The following FOXP1 variants were observed in gnomAD, a reference collection of about 807,000 sequenced individuals.
FOXP1 encodes the protein forkhead box P1.
FOXP1 carries 15 observed loss-of-function variants against 98.2 expected under a neutral mutation model. The observed-to-expected ratio is 0.15, with a 90% CI of 0.10 to 0.24. The LOEUF is 0.24. Among genes scored for constraint, FOXP1 ranks in the 10% least tolerant of loss-of-function variants. The pLI is 1.00. For synonymous variants in FOXP1, 371 were observed against 314.5 expected (o/e 1.18, Z -1.90); for missense variants, 633 against 848.5 (o/e 0.75, Z 3.15).
intron 3 of FOXP1, among the ~76,000 whole-genome samples, chr3:71,424,617 T>C (rs1349337410): frequency 6.6e-6 from 1 of 152,150 alleles, no homozygotes; most frequent in Non-Finnish European, 1.5e-5. Context: ...AACCCAAAAC[T>C]GTCAGAAGGT....
At chr3:71,144,583 T>A (rs2060216856) in intron 6 of FOXP1, among the ~76,000 whole-genome samples, 1 of 151,916 alleles carries the variant, frequency 6.6e-6, no homozygotes, top group South Asian at 2.1e-4. Context: ...TGCTAGAAAA[T>A]AAAAATGACC....
chr3:71,400,009 C>A (rs542259700), intron 3 of FOXP1, among the ~76,000 whole-genome samples: 8 of 152,304 alleles, frequency 5.3e-5, no homozygotes, highest in Admixed American at 3.3e-4. Context: ...AATGCCAAAT[C>A]TAATTAATGC....
chr3:71,580,027 AG>A (rs2048035013), intron 2 of FOXP1, among the ~76,000 whole-genome samples: 1 of 152,078 alleles, frequency 6.6e-6, no homozygotes, highest in Non-Finnish European at 1.5e-5. Flanking sequence ...GTGAACATAT[AG>A]CCTTGCTGCT....
chr3:71,461,423 A>G (rs944179873), intron 3 of FOXP1, among the ~76,000 whole-genome samples: 3 of 152,168 alleles, frequency 2.0e-5, no homozygotes, highest in African/African-American at 7.2e-5. Flanking sequence ...CAGGGTTATG[A>G]CATCAGTTTT....
At chr3:71,161,881 A>C (rs759533557) in intron 6 of FOXP1, among the ~76,000 whole-genome samples, 2 of 152,230 alleles carry the variant, frequency 1.3e-5, no homozygotes, top group African/African-American at 4.8e-5. Context: ...ATAGATAAAA[A>C]TCAACAGTGA....
chr3:71,080,387 TAAAGATAGCCAGTTA>T (rs2054283848), intron 7 of FOXP1, among the ~76,000 whole-genome samples: 1 of 152,176 alleles, frequency 6.6e-6, no homozygotes, highest in South Asian at 2.1e-4. Flanking sequence ...TTCCCATACA[TAAAGATAGCCAGTTA>T]AAAAATAAAA....
intron 2 of FOXP1, among the ~76,000 whole-genome samples, chr3:71,521,099 C>A (rs894022569): frequency 6.6e-6 from 1 of 152,066 alleles, no homozygotes; most frequent in Non-Finnish European, 1.5e-5. Context: ...GCAGGAAAGT[C>A]AAGGCTAGGT....
intron 7 of FOXP1, among the ~76,000 whole-genome samples, chr3:71,066,091 CAAAAAA>C (rs34279433): frequency 2.9e-5 from 3 of 104,996 alleles, no homozygotes; most frequent in Non-Finnish European, 4.0e-5. Flanking sequence ...TATTTGCCTT[CAAAAAA>C]AAAAAAAAAA....
At chr3:71,425,424 C>A (rs529207169) in intron 3 of FOXP1, among the ~76,000 whole-genome samples, 204 of 152,306 alleles carry the variant, frequency 1.3e-3, no homozygotes, top group Middle Eastern at 6.8e-3. Context: ...CCACACCCAG[C>A]CATTTTACTG....
chr3:71,093,904 T>TG (rs2056172734), intron 7 of FOXP1, among the ~76,000 whole-genome samples: 1 of 152,204 alleles, frequency 6.6e-6, no homozygotes, highest in African/African-American at 2.4e-5. Flanking sequence ...CTCATGAGAA[T>TG]GCTGTATTCT....
At chr3:71,047,561 G>GA (rs765998592) in intron 9 of FOXP1, among the ~76,000 whole-genome samples, 63 of 152,106 alleles carry the variant, frequency 4.1e-4, no homozygotes, top group Middle Eastern at 3.2e-3. Context: ...AAATAAATGA[G>GA]AAAAAATCAG....
chr3:71,408,075 T>C (rs1380060062), intron 3 of FOXP1, among the ~76,000 whole-genome samples: 1 of 152,102 alleles, frequency 6.6e-6, no homozygotes, highest in East Asian at 1.9e-4. Context: ...ACAACTACAT[T>C]AAAGTTATTC....
intron 4 of FOXP1, chr3:71,332,407 G>T: frequency 5.9e-6 from 1 of 170,596 alleles, no homozygotes; most frequent in South Asian, 1.8e-4. Flanking sequence ...TTGAAGAACT[G>T]TAACACTCAC....
intron 2 of FOXP1, among the ~76,000 whole-genome samples, chr3:71,494,238 T>G (rs2091259091): frequency 6.6e-6 from 1 of 152,186 alleles, no homozygotes; most frequent in Admixed American, 6.5e-5. Context: ...TCGATTCCAG[T>G]CTCTTCACCT....
intron 7 of FOXP1, among the ~76,000 whole-genome samples, chr3:71,085,637 C>A (rs1194742413): frequency 1.3e-5 from 2 of 151,556 alleles, no homozygotes; most frequent in African/African-American, 4.9e-5. Flanking sequence ...ATTATTAGCA[C>A]CTTTCGTTAA....
chr3:71,371,183 C>G (rs1318505083), intron 3 of FOXP1, among the ~76,000 whole-genome samples: 4 of 152,176 alleles, frequency 2.6e-5, no homozygotes, highest in African/African-American at 9.6e-5. Context: ...GCTGCTGGTT[C>G]AGGCGCCACA....
At chr3:71,339,023 T>C (rs547584077) in intron 4 of FOXP1, among the ~76,000 whole-genome samples, 10 of 152,350 alleles carry the variant, frequency 6.6e-5, no homozygotes, top group Non-Finnish European at 1.2e-4. Context: ...CCCTATTCCA[T>C]ATCTGAGCCT....
intron 12 of FOXP1, among the ~76,000 whole-genome samples, chr3:71,011,794 G>A (rs1226016795): frequency 6.6e-6 from 1 of 152,096 alleles, no homozygotes; most frequent in African/African-American, 2.4e-5. Flanking sequence ...CGTGTCATGT[G>A]CAAAACCACA....
intron 7 of FOXP1, among the ~76,000 whole-genome samples, chr3:71,069,023 A>G (rs1315435064): frequency 6.6e-6 from 1 of 152,178 alleles, no homozygotes; most frequent in Non-Finnish European, 1.5e-5. Flanking sequence ...ATCCATCTAC[A>G]GGGAGCTAAG....
Sources: allele counts gnomAD v4.1 joint callset (sites outside exome capture counted in the v4.1 genomes callset), GRCh38; gene constraint gnomAD v4.1.1; transcripts MANE v1.5; gene names NCBI Gene and HGNC (gene_info 2026-07-23, HGNC 2026-07-21).